GPM6B: variants seen among roughly 807,000 people sequenced by gnomAD.
GPM6B encodes glycoprotein M6B.
Under a neutral mutation model 27.2 loss-of-function variants are expected in GPM6B, and 4 were observed. That is an observed-to-expected ratio of 0.15 (90% CI 0.07 to 0.34). GPM6B has a LOEUF of 0.34. GPM6B is among the 10% of genes least tolerant of loss of function. The pLI, the probability that GPM6B is intolerant of heterozygous loss-of-function variation, is 1.00. For missense variants in GPM6B, 183 were observed against 261.9 expected (o/e 0.70, Z 2.08); for synonymous variants, 124 against 103.1 (o/e 1.20, Z -1.23).
rs920082677 is a variant in GPM6B, at chrX:13,773,262, G to A, written c.838-232C>T. 16 of 273,550 alleles carry A rather than the reference G, an allele frequency of 5.8e-5. No individual in the cohort carries two copies. The East Asian group carries it at 7.9e-4, about 14-fold the overall frequency. 22.5% of individuals were successfully genotyped at this position (273,550 alleles called of 1,213,427 possible). A position where few individuals can be genotyped will look rare whatever the true frequency, so the allele number is the denominator to read the frequency against. On this transcript the variant is annotated intron_variant, in intron 7 of 7. Transcript: ENST00000316715. ...CAAACATAGTGAACTGGAAAAAAAT[G>A]GCCAAAGGTATTGTTAAGAAAAAGC... is the stretch of plus-strand genomic sequence containing the variant.
At chrX:13,873,180 C>T (rs1328359929) in intron 1 of GPM6B, among the ~76,000 whole-genome samples, 1 of 109,063 alleles carries the variant, frequency 9.2e-6, no homozygotes, top group Non-Finnish European at 1.9e-5. Flanking sequence ...GCCCTGAGAT[C>T]TTGGCAACCA....
chrX:13,876,817 T>C (rs772361902), intron 1 of GPM6B, among the ~76,000 whole-genome samples: 13 of 110,895 alleles, frequency 1.2e-4, no homozygotes, highest in African/African-American at 4.3e-4. Context: ...TTGAGTGGGC[T>C]TGTTGTCTGG....
At chrX:13,788,517 A>G (rs926172518) in intron 2 of GPM6B, among the ~76,000 whole-genome samples, 45 of 109,248 alleles carry the variant, frequency 4.1e-4, no homozygotes, top group African/African-American at 1.4e-3. Flanking sequence ...ATAACCAGAT[A>G]AAATTGTTCA....
At chrX:13,851,289 C>A (rs1161373447) in intron 1 of GPM6B, among the ~76,000 whole-genome samples, 1 of 110,623 alleles carries the variant, frequency 9.0e-6, no homozygotes, top group Non-Finnish European at 1.9e-5. Flanking sequence ...GTTCTAATTT[C>A]ACCTCTGCCA....
chrX:13,785,221 T>C (rs141471545), intron 3 of GPM6B, among the ~76,000 whole-genome samples: 2,595 of 112,061 alleles, frequency 0.023, 64 homozygotes, highest in African/African-American at 0.067. Context: ...GCATTCATCT[T>C]CTGCTAGGAA....
rs762863378 is a variant in GPM6B at position 13,816,901 on chromosome X, T to C, written c.4A>G (p.Lys2Glu). The C allele has an allele frequency of 3.3e-6, 4 of 1,198,350 alleles. No individual in the cohort carries two copies. In the African/African-American group the frequency reaches 7.1e-5, roughly 21 times the overall value. Residue 2 changes from lysine (K) to glutamate (E), a missense_variant, in exon 1 of 8, where the codon AAG becomes GAG. Coordinates refer to ENST00000316715, the MANE Select transcript of GPM6B (RefSeq NM_001001995.3). ...TCGGCTGCAGTTTCCATGGCTGGCT[T>C]CATACCATCCACCAAAAATGCTTTT... The part of the protein sequence containing the change: M[K>E]PAMETAAEEN...
chrX:13,785,683 C>A lies in GPM6B; in HGVS notation c.307G>T (p.Val103Leu), dbSNP rs776965626. ...GCGHVALAGTVAILEQHFSTN... is the reference protein window; with the variant it reads ...GCGHVALAGTLAILEQHFSTN... ...GAGAAGTGTTGCTCAAGAATCGCCACGGTGCCTGCGAGAGCCACATGCCCA... is the reference window on the plus strand; with the variant it reads ...GAGAAGTGTTGCTCAAGAATCGCCAAGGTGCCTGCGAGAGCCACATGCCCA... Residue 103 changes from valine to leucine, a missense_variant, in exon 3 of 8, where the codon GTG becomes TTG. By Grantham distance (32) the Val-to-Leu change is conservative. Coordinates refer to ENST00000316715, the MANE Select transcript of GPM6B (RefSeq NM_001001995.3). 2 of 1,211,543 alleles carry A rather than the reference C, an allele frequency of 1.7e-6. No individual in the cohort carries two copies. The highest frequency in any genetic ancestry group is 2.2e-6 in the Non-Finnish European group (2 of 895,295).
At chrX:13,778,054 G>GTTT (rs34053837) in intron 5 of GPM6B, among the ~76,000 whole-genome samples, 65 of 93,776 alleles carry the variant, frequency 6.9e-4, no homozygotes, top group South Asian at 2.5e-3. Context: ...AAATTGGTTT[G>GTTT]TTTTTTTTTT....
intron 1 of GPM6B, among the ~76,000 whole-genome samples, chrX:13,919,553 C>T (rs2050458490): frequency 1.8e-5 from 2 of 111,978 alleles, no homozygotes; most frequent in Non-Finnish European, 3.8e-5. Flanking sequence ...AACATAAGCA[C>T]CTGACATTGA....
At position 13,805,788 on chromosome X, in the gene GPM6B, A is replaced by G. The variant is rs150981418; in HGVS notation, c.181+1862T>C. ...TTAGTGAACTAAAATACAGAAAAGA[A>G]TAAGTATTTTTCTGGGTTTCCAGCT... On this transcript the variant is annotated intron_variant, in intron 2 of 7. Coordinates refer to ENST00000316715, the MANE Select transcript of GPM6B (RefSeq NM_001001995.3). Among the ~76,000 whole-genome samples the G allele has an allele frequency of 3.6e-3, 401 of 111,949 alleles. 3 individuals are homozygous for G. Among genetic ancestry groups the G allele is most frequent in the African/African-American group, 0.012 (383 of 30,828 alleles).
intron 1 of GPM6B, among the ~76,000 whole-genome samples, chrX:13,850,605 G>C (rs2049703890): frequency 8.9e-6 from 1 of 112,326 alleles, no homozygotes; most frequent in African/African-American, 3.2e-5. Context: ...ACAGGTTCCA[G>C]GGGATGGGAG....
At chrX:13,926,415 AACAAAC>A (rs1258662225) in intron 1 of GPM6B, among the ~76,000 whole-genome samples, 5 of 19,393 alleles carry the variant, frequency 2.6e-4, no homozygotes, top group Non-Finnish European at 5.6e-4. Context: ...ATCTCAAAAA[AACAAAC>A]AAACAAAAAA....
intron 4 of GPM6B, among the ~76,000 whole-genome samples, chrX:13,782,250 G>A (rs1311213484): frequency 2.7e-5 from 3 of 111,738 alleles, no homozygotes; most frequent in Non-Finnish European, 5.6e-5. Context: ...TCTGACATAA[G>A]AGCTAAAAGC....
chrX:13,816,936 C>T lies in GPM6B; in HGVS notation c.-32G>A, dbSNP rs780643008. ...CACCAAAAATGCTTTTCCCCCTGTT[C>T]CCCCCAACACACACTTGTTTTTCCT... On this transcript the variant is annotated 5_prime_UTR_variant, in exon 1 of 8. Coordinates refer to ENST00000316715, the MANE Select transcript of GPM6B (RefSeq NM_001001995.3). The T allele has an allele frequency of 3.4e-6, 4 of 1,170,201 alleles. No homozygotes were observed. Among genetic ancestry groups the T allele is most frequent in the Admixed American group, 2.6e-5 (1 of 38,830 alleles).
At position 13,776,254 on chromosome X, in the gene GPM6B, G is replaced by T. The variant is rs982375555; in HGVS notation, c.821C>A (p.Ala274Asp). The T allele has an allele frequency of 3.3e-6, 4 of 1,207,350 alleles. No homozygotes were observed. Among genetic ancestry groups the T allele is most frequent in the Non-Finnish European group, 4.5e-6 (4 of 892,906 alleles). ...LFIVACAGAGATVIALIHFLM... is the reference protein window; with the variant it reads ...LFIVACAGAGDTVIALIHFLM... The stretch of plus-strand genomic sequence containing the variant: ...ATTACTCACCAGGGCAATGACGGTG[G>T]CACCAGCTCCTGCACAGGCCACAAT... Residue 274 changes from alanine (A) to aspartate (D), a missense_variant, in exon 7 of 8, where the codon GCC (alanine) becomes GAC (aspartate). Ala to Asp is a moderately radical substitution (Grantham distance 126). Coordinates refer to ENST00000316715, the MANE Select transcript of GPM6B (RefSeq NM_001001995.3).
At chrX:13,810,184 C>T (rs772618667) in intron 1 of GPM6B, among the ~76,000 whole-genome samples, 76 of 111,433 alleles carry the variant, frequency 6.8e-4, no homozygotes, top group African/African-American at 2.2e-3. Flanking sequence ...TCAGGAGATT[C>T]TCTCTCAGAA....
chrX:13,856,197 C>T (rs1273878530), intron 1 of GPM6B, among the ~76,000 whole-genome samples: 2 of 111,937 alleles, frequency 1.8e-5, no homozygotes, highest in East Asian at 5.6e-4. Flanking sequence ...TTTTTAAAAT[C>T]CTCCCCATGT....
rs562766421 is a variant in GPM6B, at chrX:13,784,694, C to A, written c.368+928G>T. On this transcript the variant is annotated intron_variant, in intron 3 of 7. Transcript: ENST00000316715. ...TAAGTAGATTGCTGCTGAGCTTGCACAGCTACAAGAATCTATGTGTGGGAG... is the reference window on the plus strand; with the variant it reads ...TAAGTAGATTGCTGCTGAGCTTGCAAAGCTACAAGAATCTATGTGTGGGAG... Among the ~76,000 whole-genome samples, 41 of 111,882 alleles carry A rather than the reference C, an allele frequency of 3.7e-4. No homozygotes were observed. In the South Asian group the frequency reaches 0.015, roughly 40 times the overall value.
At chrX:13,776,484 T>C (rs1295622634) in intron 6 of GPM6B, among the ~76,000 whole-genome samples, 181 bp from the exon 7 acceptor site, 4 of 110,693 alleles carry the variant, frequency 3.6e-5, no homozygotes, top group Non-Finnish European at 7.5e-5. Flanking sequence ...TTAAAAACTT[T>C]CTGATGCCCA....
Sources: gnomAD v4.1 joint callset for allele counts (sites outside exome capture counted in the v4.1 genomes callset) on GRCh38, gnomAD v4.1.1 for gene constraint, MANE v1.5 for transcripts, NCBI Gene and HGNC (gene_info 2026-07-23, HGNC 2026-07-21) for gene names.